Variants in AGBL1 observed in about 807,000 individuals in gnomAD.
AGBL1 encodes the protein cytosolic carboxypeptidase 4.
In AGBL1, 130 loss-of-function variants were observed where a neutral mutation model predicts 118.9. The ratio of observed to expected loss-of-function variants is 1.09; its 90% confidence interval spans 0.95 to 1.26. The LOEUF (loss-of-function observed/expected upper bound fraction) is 1.26, where lower values mean the gene tolerates loss of function less well. AGBL1 is among the 50% of genes most tolerant of loss of function. The pLI is 0.00. For missense variants in AGBL1, 1,584 were observed against 1,298.1 expected, an observed-to-expected ratio of 1.22 and a Z score of -3.38; for synonymous variants, 555 against 478.9, an observed-to-expected ratio of 1.16 and a Z score of -2.08.
intron 18 of AGBL1, among the ~76,000 whole-genome samples, chr15:86,500,812 G>A (rs1277783768): frequency 4.0e-5 from 6 of 151,698 alleles, no homozygotes; most frequent in Non-Finnish European, 7.4e-5. Flanking sequence ...TTCATCTATG[G>A]TGTTGAATGC....
Position 86,699,091 on chromosome 15 carries a change from C to A in AGBL1, c.3158+24655C>A, listed in dbSNP as rs557542337. ...AGTATTCTCAATCTCAGGTAACATG[C>A]CTTTCATATTTTTTTTAGTGTTTTA... On this transcript the variant is annotated intron_variant, in intron 22 of 22. Transcript: ENST00000614907. Among the ~76,000 whole-genome samples the A allele has an allele frequency of 5.9e-5, 9 of 151,820 alleles. No homozygotes were observed. In the East Asian group the frequency reaches 9.7e-4, roughly 16 times the overall value.
At chr15:87,008,665 G>C (rs2081527474) in intron 24 of AGBL1, among the ~76,000 whole-genome samples, 2 of 152,170 alleles carry the variant, frequency 1.3e-5, no homozygotes, top group Admixed American at 1.3e-4. Context: ...GGAAAAGTTT[G>C]AAACCCCCTG....
intron 22 of AGBL1, among the ~76,000 whole-genome samples, chr15:86,832,137 G>A (rs1037813839): frequency 2.0e-5 from 3 of 152,170 alleles, no homozygotes; most frequent in African/African-American, 7.2e-5. Flanking sequence ...AGGGCACTGG[G>A]CCAGGCCCAT....
intron 21 of AGBL1, among the ~76,000 whole-genome samples, chr15:86,571,789 C>G (rs1298075932): frequency 6.6e-6 from 1 of 152,200 alleles, no homozygotes; most frequent in Non-Finnish European, 1.5e-5. Context: ...CAAGCTCCCC[C>G]TCTGGTCTGG....
At chr15:86,518,018 T>C (rs1268542629) in intron 18 of AGBL1, among the ~76,000 whole-genome samples, 1 of 152,208 alleles carries the variant, frequency 6.6e-6, no homozygotes, top group East Asian at 1.9e-4. Context: ...TGCCTCTCTT[T>C]AGGCTCCAGA....
chr15:86,750,395 T>G (rs1251206896), intron 22 of AGBL1, among the ~76,000 whole-genome samples: 3 of 150,820 alleles, frequency 2.0e-5, no homozygotes, highest in African/African-American at 7.3e-5. Flanking sequence ...CAGCGAAAAA[T>G]AGAACCTGGT....
chr15:86,492,765 A>G (rs576037020), intron 18 of AGBL1, among the ~76,000 whole-genome samples: 1 of 152,124 alleles, frequency 6.6e-6, no homozygotes, highest in Admixed American at 6.5e-5. Context: ...GGGAAGAAGA[A>G]GATCAGGGAA....
At chr15:86,892,956 G>A (rs550448710) in intron 22 of AGBL1, among the ~76,000 whole-genome samples, 14 of 152,248 alleles carry the variant, frequency 9.2e-5, no homozygotes, top group South Asian at 6.2e-4. Context: ...TAGGCTGCTC[G>A]TGCCTCTTAG....
At chr15:86,557,667 A>C (rs1382834973) in intron 21 of AGBL1, among the ~76,000 whole-genome samples, 1 of 152,204 alleles carries the variant, frequency 6.6e-6, no homozygotes, top group East Asian at 1.9e-4. Context: ...AGTAATGCCC[A>C]TAAGTGTCTT....
intron 23 of AGBL1, among the ~76,000 whole-genome samples, chr15:86,969,589 CT>C: frequency 6.6e-6 from 1 of 152,070 alleles, no homozygotes; most frequent in African/African-American, 2.4e-5. Flanking sequence ...ATTTGTGTGA[CT>C]ATTTGCGTGG....
intron 17 of AGBL1, among the ~76,000 whole-genome samples, chr15:86,368,510 A>C (rs920662782): frequency 2.0e-5 from 3 of 152,358 alleles, no homozygotes; most frequent in East Asian, 3.9e-4. Context: ...GTCAATTAAG[A>C]AGTGTGAGAA....
At chr15:86,496,981 C>T (rs1001889337) in intron 18 of AGBL1, among the ~76,000 whole-genome samples, 41 of 151,954 alleles carry the variant, frequency 2.7e-4, no homozygotes, top group Non-Finnish European at 3.8e-4. Flanking sequence ...GAAATGACTA[C>T]CACAATCTAA....
intron 1 of AGBL1, among the ~76,000 whole-genome samples, chr15:86,125,511 T>C (rs1261791004): frequency 6.6e-6 from 1 of 152,228 alleles, no homozygotes; most frequent in Non-Finnish European, 1.5e-5. Context: ...CCTTCATCCA[T>C]GGCTAAATGT....
At position 86,257,957 on chromosome 15, in the gene AGBL1, C is replaced by A; in HGVS notation, c.902-7C>A. ...TTCACTTATTTCACCTCTTTTTCCCCATCCAGAGGATTTTGAAGATGATGG... is the reference window on the plus strand; with the variant it reads ...TTCACTTATTTCACCTCTTTTTCCCAATCCAGAGGATTTTGAAGATGATGG... On this transcript the variant is annotated splice_region_variant and splice_polypyrimidine_tract_variant and intron_variant, in intron 8 of 22. Coordinates refer to ENST00000614907, the MANE Select transcript of AGBL1 (RefSeq NM_001386094.1). 1 of 1,611,874 alleles carries A rather than the reference C, an allele frequency of 6.2e-7. No homozygotes were observed. Among genetic ancestry groups the A allele is most frequent in the Non-Finnish European group, 8.5e-7 (1 of 1,179,292 alleles).
chr15:86,585,446 T>G (rs1364291116), intron 21 of AGBL1, among the ~76,000 whole-genome samples: 2 of 152,108 alleles, frequency 1.3e-5, no homozygotes, highest in African/African-American at 2.4e-5. Context: ...CAGGCTGGAG[T>G]GCAGTGGTGT....
intron 22 of AGBL1, among the ~76,000 whole-genome samples, chr15:86,863,957 T>C (rs1042082746): frequency 3.9e-5 from 6 of 152,142 alleles, no homozygotes; most frequent in Admixed American, 1.3e-4. Flanking sequence ...ACCTGGGGGA[T>C]GGTAGGGTTT....
downstream of AGBL1, among the ~76,000 whole-genome samples, chr15:86,916,809 A>G (rs1160753312): frequency 2.0e-5 from 3 of 152,176 alleles, no homozygotes; most frequent in Non-Finnish European, 4.4e-5. Context: ...AGGCCGGTGA[A>G]GAGGCAGCGT....
intron 17 of AGBL1, among the ~76,000 whole-genome samples, chr15:86,363,948 T>C (rs1190254646): frequency 6.6e-6 from 1 of 152,194 alleles, no homozygotes; most frequent in Non-Finnish European, 1.5e-5. Flanking sequence ...TCTTACTCCA[T>C]AATCAGTGCC....
intron 18 of AGBL1, among the ~76,000 whole-genome samples, chr15:86,421,299 C>G (rs868303866): frequency 1.3e-5 from 2 of 152,076 alleles, no homozygotes; most frequent in Non-Finnish European, 2.9e-5. Context: ...GAGAGTGGGG[C>G]CAATATTCAA....
Sources: allele counts gnomAD v4.1 joint callset (sites outside exome capture counted in the v4.1 genomes callset), GRCh38; gene constraint gnomAD v4.1.1; transcripts MANE v1.5; gene names NCBI Gene and HGNC (gene_info 2026-07-23, HGNC 2026-07-21).